The following AGBL4 variants were observed in gnomAD, a reference collection of about 807,000 sequenced individuals.
The protein encoded by AGBL4 is AGBL carboxypeptidase 4.
AGBL4 carries 58 observed loss-of-function variants against 66.4 expected under a neutral mutation model. The ratio of observed to expected loss-of-function variants is 0.87; its 90% CI spans 0.71 to 1.09. The LOEUF (loss-of-function observed/expected upper bound fraction) is 1.09, where lower values mean the gene tolerates loss of function less well. Ranked by LOEUF, AGBL4 falls within the 50% of genes least tolerant of loss-of-function variation. The pLI, the probability that AGBL4 is intolerant of heterozygous loss-of-function variation, is 0.00. For synonymous variants in AGBL4, 234 were observed against 222.9 expected (o/e 1.05, Z -0.44); for missense variants, 579 against 631.0 (o/e 0.92, Z 0.88).
At chr1:49,160,719 C>T (rs1646524390) in intron 4 of AGBL4, among the ~76,000 whole-genome samples, 1 of 152,210 alleles carries the variant, frequency 6.6e-6, no homozygotes, top group Non-Finnish European at 1.5e-5. Context: ...CTGACTGGGG[C>T]TTCTGCCTCT....
intron 1 of AGBL4, among the ~76,000 whole-genome samples, chr1:49,871,920 C>A (rs1042145765): frequency 1.3e-5 from 2 of 151,956 alleles, no homozygotes; most frequent in Non-Finnish European, 2.9e-5. Context: ...CTCTAGAAAT[C>A]TGAGGAACAC....
At position 50,015,785 on chromosome 1, in the gene AGBL4, G is replaced by A. The variant is rs1661935280; in HGVS notation, c.34+7978C>T. Among the ~76,000 whole-genome samples, 4 of 152,182 alleles carry A rather than the reference G, an allele frequency of 2.6e-5. 1 individual carries two copies. The highest frequency in any genetic ancestry group is 2.6e-4 in the Admixed American group (4 of 15,272). On this transcript the variant is annotated intron_variant, in intron 1 of 13. Coordinates refer to ENST00000371839, the MANE Select transcript of AGBL4 (RefSeq NM_032785.4). Reference sequence around the variant, plus strand: ...CAGTAACTAAAACAGCATGGTACTAGTACAAAAACAGACACAAAGACCCAT... The same window carrying A: ...CAGTAACTAAAACAGCATGGTACTAATACAAAAACAGACACAAAGACCCAT...
intron 2 of AGBL4, among the ~76,000 whole-genome samples, chr1:49,796,443 AG>A (rs1410951283): frequency 1.3e-5 from 2 of 151,714 alleles, no homozygotes; most frequent in African/African-American, 2.4e-5. Context: ...GCTCAACAAT[AG>A]GGAAATCACT....
intron 3 of AGBL4, among the ~76,000 whole-genome samples, chr1:49,290,759 A>C (rs996011198): frequency 6.6e-6 from 1 of 152,200 alleles, no homozygotes; most frequent in Non-Finnish European, 1.5e-5. Flanking sequence ...GCACTTTGAG[A>C]GGCCAAGATA....
At chr1:48,937,594 C>T (rs1457752920) in intron 5 of AGBL4, among the ~76,000 whole-genome samples, 1 of 152,164 alleles carries the variant, frequency 6.6e-6, no homozygotes, top group Non-Finnish European at 1.5e-5. Flanking sequence ...AAACATTTGA[C>T]ATTTGAAAGT....
At chr1:49,732,946 T>G (rs1415373668) in intron 2 of AGBL4, among the ~76,000 whole-genome samples, 1 of 151,678 alleles carries the variant, frequency 6.6e-6, no homozygotes, top group East Asian at 1.9e-4. Context: ...TAAAGAGACA[T>G]AAACCTAGAC....
intron 6 of AGBL4, chr1:48,727,998 T>G: frequency 6.2e-7 from 1 of 1,612,470 alleles, no homozygotes; most frequent in Non-Finnish European, 8.5e-7. Context: ...CTGTGCAATT[T>G]CAGTTTCATC....
chr1:49,733,247 C>T (rs906973640), intron 2 of AGBL4, among the ~76,000 whole-genome samples: 6 of 152,044 alleles, frequency 3.9e-5, no homozygotes, highest in African/African-American at 1.4e-4. Context: ...TGAGACAAGT[C>T]GTTGTTAGCA....
chr1:49,346,522 C>T (rs541544011), intron 3 of AGBL4, among the ~76,000 whole-genome samples: 9 of 152,266 alleles, frequency 5.9e-5, no homozygotes, highest in African/African-American at 1.2e-4. Flanking sequence ...ATATTGCTGT[C>T]GTACTCTTTG....
chr1:49,199,488 G>T (rs541985343), intron 4 of AGBL4, among the ~76,000 whole-genome samples: 1 of 152,096 alleles, frequency 6.6e-6, no homozygotes, highest in Admixed American at 6.6e-5. Context: ...AACCGTGTAC[G>T]GCATCTGTAT....
intron 3 of AGBL4, among the ~76,000 whole-genome samples, chr1:49,581,074 T>C (rs1470181414): frequency 6.6e-6 from 1 of 152,138 alleles, no homozygotes; most frequent in East Asian, 1.9e-4. Context: ...CTGACGGAAT[T>C]ATCTCAAAAG....
intron 1 of AGBL4, among the ~76,000 whole-genome samples, chr1:49,958,860 T>G (rs1656875320): frequency 6.6e-6 from 1 of 150,762 alleles, no homozygotes; most frequent in South Asian, 2.1e-4. Context: ...AAAAATAAAT[T>G]TAAAAAAAGA....
chr1:49,538,935 A>G (rs1651805170), intron 3 of AGBL4, among the ~76,000 whole-genome samples: 2 of 152,150 alleles, frequency 1.3e-5, no homozygotes, highest in South Asian at 4.1e-4. Flanking sequence ...CACTTTTAGG[A>G]CTTTATTTCA....
At chr1:49,689,121 G>A (rs1646839638) in intron 3 of AGBL4, among the ~76,000 whole-genome samples, 1 of 152,032 alleles carries the variant, frequency 6.6e-6, no homozygotes, top group Admixed American at 6.6e-5. Context: ...CTATGTTTGT[G>A]GAGTATTACT....
At position 48,598,243 on chromosome 1, in the gene AGBL4, G is replaced by T. The variant is rs373724086; in HGVS notation, c.952-7258C>A. On this transcript the variant is annotated intron_variant, in intron 9 of 13. Transcript: ENST00000371839. ...CTATCATGTAGATAATGGATTTTAG[G>T]GGGGCATGAATGAGGCAGTTGAGAC... is the stretch of plus-strand genomic sequence containing the variant. 8.5e-5 allele frequency among the ~76,000 whole-genome samples: 13 copies of T among 152,252 alleles called. No individual in the cohort carries two copies. In the East Asian group the frequency reaches 2.3e-3, roughly 27 times the overall value.
intron 2 of AGBL4, among the ~76,000 whole-genome samples, chr1:49,710,506 G>A (rs1399031426): frequency 6.6e-6 from 1 of 152,040 alleles, no homozygotes; most frequent in Non-Finnish European, 1.5e-5. Context: ...GTTGATGGGT[G>A]CAGCAAACCA....
At chr1:48,714,758 T>C (rs1020396514) in intron 6 of AGBL4, among the ~76,000 whole-genome samples, 1 of 152,190 alleles carries the variant, frequency 6.6e-6, no homozygotes, top group Non-Finnish European at 1.5e-5. Context: ...CCCCAGCAGG[T>C]CCTAGCCCCG....
chr1:49,845,289 G>A (rs1571699928), intron 2 of AGBL4: 1 of 1,559,750 alleles, frequency 6.4e-7, no homozygotes, highest in East Asian at 2.2e-5. Context: ...TTGCCCCACT[G>A]ATCCAGCACC....
At chr1:49,819,166 AG>A (rs1645303898) in intron 2 of AGBL4, among the ~76,000 whole-genome samples, 1 of 152,222 alleles carries the variant, frequency 6.6e-6, no homozygotes, top group African/African-American at 2.4e-5. Flanking sequence ...TCCAGGGCAC[AG>A]GGTAGAATTT....
Sources: gnomAD v4.1 joint callset for allele counts (sites outside exome capture counted in the v4.1 genomes callset) on GRCh38, gnomAD v4.1.1 for gene constraint, MANE v1.5 for transcripts, NCBI Gene and HGNC (gene_info 2026-07-23, HGNC 2026-07-21) for gene names.